GLYR1: variants seen among roughly 807,000 people sequenced by gnomAD.
GLYR1 encodes the protein glyoxylate reductase 1 homolog, also known as cytokine-like nuclear factor N-PAC.
In GLYR1, 21 loss-of-function variants were observed where a neutral mutation model predicts 72.7. The ratio of observed to expected loss-of-function variants is 0.29; its 90% CI spans 0.20 to 0.42. The LOEUF (loss-of-function observed/expected upper bound fraction) is 0.42. Among genes scored for constraint, GLYR1 ranks in the 10% least tolerant of loss-of-function variants. The pLI is 1.00. For synonymous variants in GLYR1, 392 were observed against 270.2 expected, an observed-to-expected ratio of 1.45 and a Z score of -4.42; for missense variants, 594 against 712.1, an observed-to-expected ratio of 0.83 and a Z score of 1.89.
At chr16:4,843,518 C>A in intron 3 of GLYR1, 1 of 1,284,340 alleles carries the variant, frequency 7.8e-7, no homozygotes, top group South Asian at 1.2e-5. Flanking sequence ...TCTGGCTCCA[C>A]AGCTCCAGGC....
At position 4,823,875 on chromosome 16, in the gene GLYR1, C is replaced by G; in HGVS notation, c.570G>C (p.Lys190Asn). The change falls in exon 6 of 16, where the codon AAG (lysine) becomes AAC (asparagine). Residue 190 changes from lysine to asparagine, a missense_variant. Coordinates refer to ENST00000321919, the MANE Select transcript of GLYR1 (RefSeq NM_032569.4). ...CGGCCATCGGTCCGGCCATCATCCC[C>G]TTCACGGTACTAGACTCCGGGATGG... is the stretch of plus-strand genomic sequence containing the variant. ...DLTIPESSTV[K>N]GMMAGPMAAF... 6.2e-7 allele frequency: 1 copy of G among 1,614,142 alleles called. No individual in the cohort carries two copies. Among genetic ancestry groups the G allele is most frequent in the Non-Finnish European group, 8.5e-7 (1 of 1,180,038 alleles).
intron 9 of GLYR1, chr16:4,821,130 A>G (rs1020343432): frequency 3.3e-5 from 19 of 567,660 alleles, no homozygotes; most frequent in Non-Finnish European, 4.1e-5. Flanking sequence ...CCACTGAGCC[A>G]AGTGCTCCTT....
At chr16:4,819,468 C>A (rs529900781) in intron 9 of GLYR1, among the ~76,000 whole-genome samples, 2 of 152,212 alleles carry the variant, frequency 1.3e-5, no homozygotes, top group Non-Finnish European at 2.9e-5. Flanking sequence ...GCCACCATGT[C>A]TGGCTAAGTT....
chr16:4,837,942 AAT>A (rs2085265867), intron 3 of GLYR1, among the ~76,000 whole-genome samples: 5 of 129,296 alleles, frequency 3.9e-5, no homozygotes, highest in Non-Finnish European at 8.5e-5. Flanking sequence ...AAAATAAATA[AAT>A]AAATAAATAA....
chr16:4,811,114 AAAAAG>A, intron 15 of GLYR1, 51 bp downstream of exon 15: 2 of 1,569,802 alleles, frequency 1.3e-6, no homozygotes, highest in South Asian at 1.2e-5. Flanking sequence ...AAAAAAAAAA[AAAAAG>A]AAAGAAAAAG....
At chr16:4,836,634 C>A (rs1441214783) in intron 3 of GLYR1, among the ~76,000 whole-genome samples, 1 of 152,114 alleles carries the variant, frequency 6.6e-6, no homozygotes, top group Non-Finnish European at 1.5e-5. Flanking sequence ...AAAAGCAATG[C>A]ATGTTATGTG....
At chr16:4,825,625 C>T (rs942813419) in intron 5 of GLYR1, among the ~76,000 whole-genome samples, 3 of 151,828 alleles carry the variant, frequency 2.0e-5, no homozygotes, top group African/African-American at 7.3e-5. Flanking sequence ...GTAATTCTTG[C>T]CCCTTCATGA....
chr16:4,823,039 T>A (rs2084140972), intron 6 of GLYR1, 108 bp from the exon 7 acceptor site: 1 of 920,042 alleles, frequency 1.1e-6, no homozygotes, highest in East Asian at 2.4e-5. Context: ...TGGATTCTGG[T>A]CTCTTTTTCA....
chr16:4,821,293 A>C, intron 9 of GLYR1, 87 bp downstream of exon 9: 1 of 1,338,068 alleles, frequency 7.5e-7, no homozygotes, highest in Non-Finnish European at 1.1e-6. Flanking sequence ...GCTGGGACAC[A>C]ACCCTTAAAG....
chr16:4,832,332 C>T (rs2084853894), intron 4 of GLYR1, 111 bp from the exon 5 acceptor site: 1 of 1,298,044 alleles, frequency 7.7e-7, no homozygotes. Context: ...GGTCTCCTCA[C>T]AATGACCCTA....
chr16:4,825,007 G>C (rs961422255), intron 5 of GLYR1, among the ~76,000 whole-genome samples: 1 of 152,058 alleles, frequency 6.6e-6, no homozygotes, highest in Non-Finnish European at 1.5e-5. Flanking sequence ...TACAGTTGGC[G>C]ATCTGCCCAA....
Position 4,832,010 on chromosome 16 carries a change from C to A in GLYR1, c.506G>T (p.Arg169Leu). 1 of 1,614,110 alleles carries A rather than the reference C, an allele frequency of 6.2e-7. No individual in the cohort carries two copies. Among genetic ancestry groups the A allele is most frequent in the African/African-American group, 1.3e-5 (1 of 75,034 alleles). Reference protein sequence around the residue: ...PLKRAQEQSPRKRGRPPKDEK... With the variant: ...PLKRAQEQSPLKRGRPPKDEK... ...ATCCTTTGGGGGCCGACCCCGCTTC[C>A]GGGGACTTTGCTCTTGGGCTCTTTT... Residue 169 changes from arginine (R) to leucine (L), a missense_variant, in exon 5 of 16, where the codon CGG becomes CTG. Arg to Leu is a moderately radical substitution (Grantham distance 102). Coordinates refer to ENST00000321919, the MANE Select transcript of GLYR1 (RefSeq NM_032569.4).
chr16:4,822,815 T>A (rs1049291935), intron 7 of GLYR1, 60 bp downstream of exon 7: 3 of 1,400,818 alleles, frequency 2.1e-6, no homozygotes, highest in African/African-American at 1.4e-5. Flanking sequence ...CAGGACCCAG[T>A]GGAGGAGCAC....
intron 15 of GLYR1, among the ~76,000 whole-genome samples, chr16:4,807,053 G>C (rs1344813208): frequency 2.0e-5 from 3 of 148,518 alleles, no homozygotes; most frequent in Non-Finnish European, 3.0e-5. Flanking sequence ...TGATCCACCC[G>C]CCTCGGCCTC....
At chr16:4,814,703 A>G in intron 10 of GLYR1, 56 bp from the exon 11 acceptor site, 2 of 1,358,066 alleles carry the variant, frequency 1.5e-6, no homozygotes, top group South Asian at 1.2e-5. Flanking sequence ...CAAACATGCC[A>G]GCCAGGCCAG....
intron 15 of GLYR1, among the ~76,000 whole-genome samples, chr16:4,807,299 G>T (rs2083049908): frequency 1.3e-5 from 2 of 151,656 alleles, no homozygotes; most frequent in African/African-American, 4.9e-5. Context: ...TTTTAGTAGA[G>T]ACTGGGCTTC....
At position 4,805,213 on chromosome 16, in the gene GLYR1, G is replaced by A. The variant is rs375593294; in HGVS notation, c.*23C>T. 1.2e-6 allele frequency: 2 copies of A among 1,608,648 alleles called. No homozygotes were observed. Among genetic ancestry groups the A allele is most frequent in the Non-Finnish European group, 8.5e-7 (1 of 1,175,576 alleles). On this transcript the variant is annotated 3_prime_UTR_variant, in exon 16 of 16. Transcript: ENST00000321919. Reference sequence around the variant, plus strand: ...AGGGGGTCAGAGGGGGGATTGGAGGGGTGAGGGCGGGGTGTCGACAGCTTA... The same window carrying A: ...AGGGGGTCAGAGGGGGGATTGGAGGAGTGAGGGCGGGGTGTCGACAGCTTA...
intron 14 of GLYR1, 96 bp downstream of exon 14, chr16:4,811,527 T>A (rs1325852467): frequency 6.8e-7 from 1 of 1,464,062 alleles, no homozygotes; most frequent in Admixed American, 1.8e-5. Flanking sequence ...AGGGACTGAC[T>A]GGGGAGGGGC....
intron 3 of GLYR1, among the ~76,000 whole-genome samples, chr16:4,842,243 C>CAA (rs563438281): frequency 3.4e-5 from 4 of 115,968 alleles, no homozygotes; most frequent in African/African-American, 1.3e-4. Flanking sequence ...GACTCCGTTT[C>CAA]AAAAAAAAAA....
Sources: allele counts gnomAD v4.1 joint callset (sites outside exome capture counted in the v4.1 genomes callset), GRCh38; gene constraint gnomAD v4.1.1; transcripts MANE v1.5; gene names NCBI Gene and HGNC (gene_info 2026-07-23, HGNC 2026-07-21).